Variants in AKAP6 observed in about 807,000 individuals in gnomAD.
The protein encoded by AKAP6 is A-kinase anchor protein 6.
A neutral mutation model predicts 188.5 loss-of-function variants in AKAP6; 58 were observed. The ratio of observed to expected loss-of-function variants is 0.31; its 90% CI spans 0.25 to 0.38. The LOEUF is 0.38. Ranked by LOEUF, AKAP6 falls within the 10% of genes least tolerant of loss-of-function variation. The pLI is 1.00. For synonymous variants in AKAP6, 989 were observed against 998.6 expected, an observed-to-expected ratio of 0.99 and a Z score of 0.18; for missense variants, 2,710 against 2,740.0, an observed-to-expected ratio of 0.99 and a Z score of 0.24.
rs1594657590 is a variant in AKAP6, at chr14:32,479,182, A to G, written c.324+45365A>G. ...TTTTCCTTGATTACATGACTGATAC[A>G]TATTCTTATAAAAATGAGGAGAAAA... On this transcript the variant is annotated intron_variant, in intron 2 of 13. Transcript: ENST00000280979. Among the ~76,000 whole-genome samples, 3 of 152,198 alleles carry G rather than the reference A, an allele frequency of 2.0e-5. No homozygotes were observed. In the South Asian group the frequency reaches 6.2e-4, roughly 32 times the overall value.
rs551360755 is a variant in AKAP6 at position 32,662,487 on chromosome 14, A to G, written c.2731-15824A>G. ...ATCATCAGAATGTTTCATGTTCTAGATTTGTCTGATTGTCTCCTCGTGGTG... is the reference window on the plus strand; with the variant it reads ...ATCATCAGAATGTTTCATGTTCTAGGTTTGTCTGATTGTCTCCTCGTGGTG... On this transcript the variant is annotated intron_variant, in intron 7 of 13. Transcript: ENST00000280979. 2.6e-5 allele frequency among the ~76,000 whole-genome samples: 4 copies of G among 152,214 alleles called. No individual in the cohort carries two copies. In the East Asian group the frequency reaches 5.8e-4, roughly 22 times the overall value.
chr14:32,378,744 T>A (rs1460139762), intron 1 of AKAP6, among the ~76,000 whole-genome samples: 1 of 152,204 alleles, frequency 6.6e-6, no homozygotes, highest in African/African-American at 2.4e-5. Flanking sequence ...TTGTTTCAAA[T>A]AGCTGGGGAA....
rs2034884000 is a variant in AKAP6 at position 32,837,246 on chromosome 14, A to G, written c.*7441A>G. ...ATTAATTTAACACAAATGCATAAAA[A>G]TATGATGTAATAAGAAACAATCCTG... On this transcript the variant is annotated 3_prime_UTR_variant, in exon 14 of 14. Coordinates refer to ENST00000280979, the MANE Select transcript of AKAP6 (RefSeq NM_004274.5). 6.6e-6 allele frequency: 1 copy of G among 152,256 alleles called. No individual in the cohort carries two copies. Among genetic ancestry groups the G allele is most frequent in the Non-Finnish European group, 1.5e-5 (1 of 68,050 alleles). 9.4% of individuals were successfully genotyped at this position (152,256 alleles called of 1,614,324 possible). A position where few individuals can be genotyped will look rare whatever the true frequency, so the allele number is the denominator to read the frequency against.
intron 7 of AKAP6, among the ~76,000 whole-genome samples, chr14:32,638,163 G>A (rs1470195420): frequency 7.0e-6 from 1 of 143,766 alleles, no homozygotes. Flanking sequence ...GAAAGGGCTA[G>A]TGGGGATGTC....
At chr14:32,786,296 A>ATGGTTTTTTTTTTTTTTTTT in intron 12 of AKAP6, among the ~76,000 whole-genome samples, 2 of 93,706 alleles carry the variant, frequency 2.1e-5, no homozygotes, top group African/African-American at 8.2e-5. Flanking sequence ...CTAAACCTTT[A>ATGGTTTTTTTTTTTTTTTTT]TCTTTTTTTT....
intron 11 of AKAP6, among the ~76,000 whole-genome samples, chr14:32,768,421 A>G (rs1245718156): frequency 6.6e-6 from 1 of 152,222 alleles, no homozygotes; most frequent in Non-Finnish European, 1.5e-5. Context: ...GACAAAAAAG[A>G]GTAAAATCAC....
chr14:32,627,138 G>A (rs1887057409), intron 7 of AKAP6, among the ~76,000 whole-genome samples: 1 of 152,016 alleles, frequency 6.6e-6, no homozygotes, highest in Non-Finnish European at 1.5e-5. Context: ...AAGTTATTTT[G>A]CTTACATCTG....
At chr14:32,508,399 A>G (rs1880983475) in intron 2 of AKAP6, among the ~76,000 whole-genome samples, 1 of 152,222 alleles carries the variant, frequency 6.6e-6, no homozygotes. Context: ...CACTAGAACC[A>G]TTGTTTATTC....
intron 1 of AKAP6, among the ~76,000 whole-genome samples, chr14:32,345,668 G>C (rs1413598496): frequency 1.3e-5 from 2 of 152,206 alleles, no homozygotes; most frequent in African/African-American, 4.8e-5. Flanking sequence ...GAGTGATTCT[G>C]ATGTCAGTTT....
At chr14:32,721,178 T>C (rs777281714) in intron 9 of AKAP6, among the ~76,000 whole-genome samples, 1 of 152,240 alleles carries the variant, frequency 6.6e-6, no homozygotes, top group Non-Finnish European at 1.5e-5. Flanking sequence ...ATTATGGCAA[T>C]GATCCACATC....
chr14:32,609,922 C>T lies in AKAP6; in HGVS notation c.2730+9130C>T, dbSNP rs866234860. Among the ~76,000 whole-genome samples the T allele has an allele frequency of 6.8e-4, 98 of 144,946 alleles. 1 individual carries two copies. Among genetic ancestry groups the T allele is most frequent in the Middle Eastern group, 3.5e-3 (1 of 284 alleles). On this transcript the variant is annotated intron_variant, in intron 7 of 13. Transcript: ENST00000280979. ...ACACACACACACACACACACACACA[C>T]GTTCATTCCTTTCTCAGTCTCTGGA...
intron 2 of AKAP6, among the ~76,000 whole-genome samples, chr14:32,511,188 T>C (rs1881240294): frequency 6.6e-6 from 1 of 152,196 alleles, no homozygotes; most frequent in Non-Finnish European, 1.5e-5. Flanking sequence ...TTCTCTCTGA[T>C]TATTGAGTTC....
intron 1 of AKAP6, among the ~76,000 whole-genome samples, chr14:32,366,363 G>T (rs917394466): frequency 6.6e-6 from 1 of 152,216 alleles, no homozygotes; most frequent in East Asian, 1.9e-4. Flanking sequence ...TCTTTGTGGG[G>T]CAGTCCCTCA....
At chr14:32,437,892 A>AT (rs1389263108) in intron 2 of AKAP6, among the ~76,000 whole-genome samples, 2 of 151,718 alleles carry the variant, frequency 1.3e-5, no homozygotes, top group East Asian at 3.9e-4. Context: ...GGCCTTTATT[A>AT]TTTTTTTAAT....
chr14:32,830,174 T>G lies in AKAP6; in HGVS notation c.*369T>G. The G allele has an allele frequency of 1.9e-6, 1 of 523,992 alleles. No homozygotes were observed. Among genetic ancestry groups the G allele is most frequent in the Non-Finnish European group, 3.4e-6 (1 of 297,144 alleles). The allele number at this position is 523,992 out of a possible 1,614,324, so 32.5% of individuals were successfully genotyped here. A position where few individuals can be genotyped will look rare whatever the true frequency, so the allele number is the denominator to read the frequency against. On this transcript the variant is annotated 3_prime_UTR_variant, in exon 14 of 14. Coordinates refer to ENST00000280979, the MANE Select transcript of AKAP6 (RefSeq NM_004274.5). Reference sequence around the variant, plus strand: ...CTTTAAAGTTCTGCAGTTCACCAACTGGTAGTCCATTAAATTCTCCTGTCT... The same window carrying G: ...CTTTAAAGTTCTGCAGTTCACCAACGGGTAGTCCATTAAATTCTCCTGTCT...
chr14:32,342,926 T>A (rs1446227509), intron 1 of AKAP6, among the ~76,000 whole-genome samples: 1 of 152,220 alleles, frequency 6.6e-6, no homozygotes, highest in Admixed American at 6.5e-5. Flanking sequence ...GTCTTTGGAA[T>A]TAATTCCAGT....
Position 32,735,649 on chromosome 14 carries a change from A to T in AKAP6, c.3148-9A>T. 6.6e-7 allele frequency: 1 copy of T among 1,522,598 alleles called. No homozygotes were observed. Among genetic ancestry groups the T allele is most frequent in the Non-Finnish European group, 8.8e-7 (1 of 1,132,384 alleles). The allele number at this position is 1,522,598 out of a possible 1,614,324, so 94.3% of individuals were successfully genotyped here. A position where few individuals can be genotyped will look rare whatever the true frequency, so the allele number is the denominator to read the frequency against. On this transcript the variant is annotated splice_polypyrimidine_tract_variant and intron_variant, in intron 10 of 13. Transcript: ENST00000280979. ...GTTTTATTTTTTGTTTTTTAATCTG[A>T]TGCATTAGAAAACCCTAGGAGAGAA...
chr14:32,774,093 T>C, intron 12 of AKAP6, 200 bp downstream of exon 12: 1 of 597,746 alleles, frequency 1.7e-6, no homozygotes, highest in South Asian at 2.0e-5. Flanking sequence ...TGAAACTCCA[T>C]TTGTCATAAC....
At chr14:32,636,555 A>G (rs1034729265) in intron 7 of AKAP6, among the ~76,000 whole-genome samples, 7 of 152,062 alleles carry the variant, frequency 4.6e-5, no homozygotes, top group Non-Finnish European at 8.8e-5. Flanking sequence ...AGAGAGTGAC[A>G]TATAGCTCTG....
Sources: gnomAD v4.1 joint callset for allele counts (sites outside exome capture counted in the v4.1 genomes callset) on GRCh38, gnomAD v4.1.1 for gene constraint, MANE v1.5 for transcripts, NCBI Gene and HGNC (gene_info 2026-07-23, HGNC 2026-07-21) for gene names.